MCHR2: variants seen among roughly 807,000 people sequenced by gnomAD.
The protein encoded by MCHR2 is melanin-concentrating hormone receptor 2.
A neutral mutation model predicts 24.8 loss-of-function variants in MCHR2; 15 were observed. That is an observed-to-expected ratio of 0.60 (90% CI 0.40 to 0.93). MCHR2 has a LOEUF of 0.93. MCHR2 is among the 40% of genes least tolerant of loss of function. The pLI is 0.00. For synonymous variants in MCHR2, 151 were observed against 147.6 expected (o/e 1.02, Z -0.17); for missense variants, 386 against 408.7 (o/e 0.94, Z 0.48).
At chr6:99,930,564 C>A (rs1359618540) in intron 5 of MCHR2, among the ~76,000 whole-genome samples, 2 of 150,122 alleles carry the variant, frequency 1.3e-5, no homozygotes. Flanking sequence ...CTCTAAACTT[C>A]CCTTTTGCTT....
At chr6:99,992,813 G>A (rs1009634812) in intron 1 of MCHR2, among the ~76,000 whole-genome samples, 1 of 152,114 alleles carries the variant, frequency 6.6e-6, no homozygotes, top group African/African-American at 2.4e-5. Flanking sequence ...TCTGCAAAAG[G>A]CCAATTCAAT....
chr6:99,991,419 TTAGG>T (rs1775871935), intron 1 of MCHR2, among the ~76,000 whole-genome samples: 1 of 152,172 alleles, frequency 6.6e-6, no homozygotes, highest in Non-Finnish European at 1.5e-5. Flanking sequence ...CAGTGTGACT[TTAGG>T]TAGTCACCAA....
At chr6:99,926,042 T>A (rs370314541) in intron 5 of MCHR2, among the ~76,000 whole-genome samples, 1 of 151,894 alleles carries the variant, frequency 6.6e-6, no homozygotes, top group African/African-American at 2.4e-5. Flanking sequence ...TGTCCATGTG[T>A]TCTCATTGTT....
chr6:99,940,546 G>A (rs563395943), intron 4 of MCHR2, among the ~76,000 whole-genome samples: 7 of 152,224 alleles, frequency 4.6e-5, no homozygotes, highest in African/African-American at 1.7e-4. Context: ...TTATTGGCCA[G>A]AGAGCTCACA....
At chr6:99,982,467 GAAAAAAAAAAAA>G (rs1196029682) in intron 1 of MCHR2, among the ~76,000 whole-genome samples, 1 of 46,638 alleles carries the variant, frequency 2.1e-5, no homozygotes, top group Non-Finnish European at 3.5e-5. Context: ...TGTCTGTACA[GAAAAAAAAAAAA>G]AAAAAAAAAA....
At chr6:99,970,254 A>G (rs1775377899) in intron 1 of MCHR2, among the ~76,000 whole-genome samples, 1 of 151,974 alleles carries the variant, frequency 6.6e-6, no homozygotes, top group African/African-American at 2.4e-5. Flanking sequence ...TGGCCATTCA[A>G]ACTGGTGTGA....
At chr6:99,944,070 T>C (rs1242148448) in intron 3 of MCHR2, among the ~76,000 whole-genome samples, 1 of 152,204 alleles carries the variant, frequency 6.6e-6, no homozygotes, top group Non-Finnish European at 1.5e-5. Context: ...TTAACAAGTA[T>C]GGCTAGTATA....
intron 5 of MCHR2, among the ~76,000 whole-genome samples, chr6:99,928,948 C>A (rs1001048766): frequency 1.5e-4 from 23 of 152,062 alleles, no homozygotes; most frequent in African/African-American, 5.6e-4. Flanking sequence ...AATTTTGGAT[C>A]TTTCCTGCTT....
chr6:99,991,608 C>A (rs577625479), intron 1 of MCHR2, among the ~76,000 whole-genome samples: 73 of 152,130 alleles, frequency 4.8e-4, no homozygotes, highest in East Asian at 1.5e-3. Context: ...GAGATCGAGA[C>A]CATCCTGAGC....
intron 1 of MCHR2, among the ~76,000 whole-genome samples, chr6:99,978,706 C>A (rs962109211): frequency 6.6e-6 from 1 of 152,098 alleles, no homozygotes; most frequent in African/African-American, 2.4e-5. Flanking sequence ...GCGTGAGCCA[C>A]CATGCCTGGC....
At chr6:99,969,096 C>A (rs1775345007) in intron 1 of MCHR2, among the ~76,000 whole-genome samples, 1 of 152,014 alleles carries the variant, frequency 6.6e-6, no homozygotes, top group Non-Finnish European at 1.5e-5. Flanking sequence ...TTACTGTCTC[C>A]TTTTTATAAT....
chr6:99,955,950 A>G lies in MCHR2; in HGVS notation c.182+16T>C. 1 of 1,484,472 alleles carries G rather than the reference A, an allele frequency of 6.7e-7. No individual in the cohort carries two copies. The highest frequency in any genetic ancestry group is 9.0e-7 in the Non-Finnish European group (1 of 1,115,900). The allele number at this position is 1,484,472 out of a possible 1,614,324, so 92.0% of individuals were successfully genotyped here. On this transcript the variant is annotated intron_variant, in intron 2 of 5. Transcript: ENST00000281806. ...AAGTATGGAAGGAAAAAAAAAAAAAAGGAGCCATTCCTTACCTTATTATAG... is the reference window on the plus strand; with the variant it reads ...AAGTATGGAAGGAAAAAAAAAAAAAGGGAGCCATTCCTTACCTTATTATAG...
At chr6:99,961,213 A>AC (rs1485011530) in intron 1 of MCHR2, among the ~76,000 whole-genome samples, 1 of 151,710 alleles carries the variant, frequency 6.6e-6, no homozygotes, top group Admixed American at 6.6e-5. Flanking sequence ...TTTTAGGAAC[A>AC]CTTTTTTTTT....
chr6:99,987,877 A>G (rs1775798642), intron 1 of MCHR2, among the ~76,000 whole-genome samples: 1 of 152,250 alleles, frequency 6.6e-6, no homozygotes, highest in South Asian at 2.1e-4. Flanking sequence ...TTGGCAGGCC[A>G]ATATTGAAAG....
intron 3 of MCHR2, among the ~76,000 whole-genome samples, chr6:99,947,350 A>C (rs2114528307): frequency 6.6e-6 from 1 of 152,258 alleles, no homozygotes; most frequent in East Asian, 1.9e-4. Context: ...GACAGAGACT[A>C]AGGAAACCTA....
intron 1 of MCHR2, among the ~76,000 whole-genome samples, chr6:99,991,574 G>A (rs1477836569): frequency 3.9e-5 from 6 of 152,196 alleles, no homozygotes; most frequent in Non-Finnish European, 8.8e-5. Context: ...TTGGGAGGCC[G>A]AGGCAGGTGG....
rs1774615424 is a variant in MCHR2 at position 99,934,535 on chromosome 6, GA to G, written c.588-19del. 1 of 1,545,018 alleles carries G rather than the reference GA, an allele frequency of 6.5e-7. No homozygotes were observed. On this transcript the variant is annotated intron_variant, in intron 4 of 5. Transcript: ENST00000281806. The stretch of plus-strand genomic sequence containing the variant: ...GTGTATACCTGTAAAATGAGAGAGA[GA>G]AGAGAGAGAGAGAAAGAACAACACC...
intron 5 of MCHR2, among the ~76,000 whole-genome samples, chr6:99,927,259 T>A (rs1322748836): frequency 1.3e-5 from 2 of 152,240 alleles, no homozygotes; most frequent in African/African-American, 2.4e-5. Context: ...TTGTTTGAAG[T>A]CAGGTAGCAT....
intron 5 of MCHR2, among the ~76,000 whole-genome samples, chr6:99,921,639 C>G (rs1175780756): frequency 6.6e-6 from 1 of 152,152 alleles, no homozygotes; most frequent in African/African-American, 2.4e-5. Context: ...CAATTATACT[C>G]TTTTAGTTAT....
Sources: gnomAD v4.1 joint callset for allele counts (sites outside exome capture counted in the v4.1 genomes callset) on GRCh38, gnomAD v4.1.1 for gene constraint, MANE v1.5 for transcripts, NCBI Gene and HGNC (gene_info 2026-07-23, HGNC 2026-07-21) for gene names.